Variants in BACH2 observed in about 807,000 individuals in gnomAD.
The protein encoded by BACH2 is transcription regulator protein BACH2.
Under a neutral mutation model 61.8 loss-of-function variants are expected in BACH2, and 5 were observed. The ratio of observed to expected loss-of-function variants is 0.08; its 90% confidence interval spans 0.04 to 0.17. The LOEUF (loss-of-function observed/expected upper bound fraction) is 0.17. Among genes scored for constraint, BACH2 ranks in the 10% least tolerant of loss-of-function variants. The pLI is 1.00. For missense variants in BACH2, 824 were observed against 1,091.1 expected (o/e 0.76, Z 3.45); for synonymous variants, 446 against 440.1 (o/e 1.01, Z -0.17).
At chr6:90,160,058 A>C (rs1257056336) in intron 4 of BACH2, among the ~76,000 whole-genome samples, 1 of 152,220 alleles carries the variant, frequency 6.6e-6, no homozygotes, top group Non-Finnish European at 1.5e-5. Context: ...ATTCAACATA[A>C]GCTTGCTTTC....
At chr6:89,947,778 A>G (rs1034820241) in intron 7 of BACH2, among the ~76,000 whole-genome samples, 37 of 151,762 alleles carry the variant, frequency 2.4e-4, no homozygotes, top group African/African-American at 5.8e-4. Context: ...TCACCGTGTT[A>G]GCCAGGATGG....
intron 4 of BACH2, among the ~76,000 whole-genome samples, chr6:90,123,555 G>A (rs980845617): frequency 1.3e-5 from 2 of 151,824 alleles, no homozygotes; most frequent in Admixed American, 1.3e-4. Context: ...CGGATCACGA[G>A]GTCAGGAGAT....
intron 6 of BACH2, among the ~76,000 whole-genome samples, chr6:89,955,426 GA>G (rs1020861633): frequency 6.6e-6 from 1 of 152,214 alleles, no homozygotes. Context: ...TTCAGGATAG[GA>G]GACTACTGAG....
chr6:90,256,555 CAT>C (rs1264170857), intron 2 of BACH2, among the ~76,000 whole-genome samples: 1 of 152,148 alleles, frequency 6.6e-6, no homozygotes, highest in Non-Finnish European at 1.5e-5. Flanking sequence ...TTTAAGACCT[CAT>C]GTGAATAAGG....
rs1257625776 is a variant in BACH2 at position 90,062,955 on chromosome 6, T to C, written c.-13+26006A>G. 9.1e-6 allele frequency: 9 copies of C among 983,902 alleles called. No individual in the cohort carries two copies. The Admixed American group carries it at 5.5e-4, about 60-fold the overall frequency. The allele number at this position is 983,902 out of a possible 1,614,324, so 60.9% of individuals were successfully genotyped here. A position where few individuals can be genotyped will look rare whatever the true frequency, so the allele number is the denominator to read the frequency against. ...GAAGTCTCTTCCACTTGCGTTTTTC[T>C]TCTTTTACCTGGCAATTTGAATAAA... On this transcript the variant is annotated intron_variant, in intron 5 of 8. Coordinates refer to ENST00000257749, the MANE Select transcript of BACH2 (RefSeq NM_021813.4).
intron 7 of BACH2, among the ~76,000 whole-genome samples, chr6:89,947,690 T>A (rs569781771): frequency 6.6e-6 from 1 of 151,874 alleles, no homozygotes; most frequent in Non-Finnish European, 1.5e-5. Context: ...CTCAGCCTCC[T>A]GAGTAGCTGG....
At chr6:90,198,324 CT>C (rs1768835438) in intron 4 of BACH2, among the ~76,000 whole-genome samples, 2 of 152,134 alleles carry the variant, frequency 1.3e-5, no homozygotes, top group South Asian at 4.1e-4. Context: ...CTTGACTGGT[CT>C]TTCAGCTGCC....
intron 6 of BACH2, among the ~76,000 whole-genome samples, chr6:90,006,374 T>A (rs1658270369): frequency 6.6e-6 from 1 of 152,212 alleles, no homozygotes; most frequent in South Asian, 2.1e-4. Flanking sequence ...AAAGGCCAGC[T>A]CAGGATCCCC....
rs2128357075 is a variant in BACH2, at chr6:89,951,642, T to C, written c.464A>G (p.Asp155Gly). Residue 155 changes from aspartate to glycine, a missense_variant, in exon 7 of 9, where the codon GAC (aspartate) becomes GGC (glycine). Transcript: ENST00000257749. This position sits in a 1 kb window ranked among gnomAD's most constrained non-coding sequence, Gnocchi z 6.4. ...KDAACQRPHEDCENSAGEEED... is the reference protein window; with the variant it reads ...KDAACQRPHEGCENSAGEEED... ...CTCCTCTCCTGCAGAGTTCTCGCAG[T>C]CCTCGTGTGGGCGCTGGCACGCAGC... 6.2e-7 allele frequency: 1 copy of C among 1,614,180 alleles called. No homozygotes were observed. Among genetic ancestry groups the C allele is most frequent in the Non-Finnish European group, 8.5e-7 (1 of 1,180,032 alleles).
chr6:90,107,098 G>C (rs1482229002), intron 4 of BACH2, among the ~76,000 whole-genome samples: 2 of 152,146 alleles, frequency 1.3e-5, no homozygotes, highest in Non-Finnish European at 2.9e-5. Context: ...TATAGGCCGG[G>C]TGTGGTGGCT....
At chr6:90,170,573 A>C (rs1767779065) in intron 4 of BACH2, among the ~76,000 whole-genome samples, 1 of 152,244 alleles carries the variant, frequency 6.6e-6, no homozygotes, top group Non-Finnish European at 1.5e-5. Flanking sequence ...AAAGAAAAAA[A>C]GACAAAATCT....
At chr6:90,134,427 T>C (rs1224464261) in intron 4 of BACH2, among the ~76,000 whole-genome samples, 2 of 152,210 alleles carry the variant, frequency 1.3e-5, no homozygotes, top group Non-Finnish European at 2.9e-5. Context: ...TGAAGAGTGA[T>C]GAAGGCTGAC....
At chr6:89,980,471 G>C (rs927583341) in intron 6 of BACH2, among the ~76,000 whole-genome samples, 4 of 152,172 alleles carry the variant, frequency 2.6e-5, no homozygotes, top group Non-Finnish European at 5.9e-5. Flanking sequence ...CTATTGTTAT[G>C]ATTATTGCCA....
At chr6:90,123,765 G>A (rs1238897691) in intron 4 of BACH2, among the ~76,000 whole-genome samples, 2 of 78,584 alleles carry the variant, frequency 2.5e-5, no homozygotes, top group Admixed American at 1.8e-4. Context: ...GCGAGACTCC[G>A]TCTCAAAAAA....
intron 5 of BACH2, among the ~76,000 whole-genome samples, chr6:90,023,308 G>A (rs879659753): frequency 2.0e-5 from 3 of 151,866 alleles, no homozygotes; most frequent in Non-Finnish European, 4.4e-5. Flanking sequence ...GTTTCTCGTG[G>A]TTTAACACCA....
rs1785199979 is a variant in BACH2, at chr6:90,161,775, GT to G, written c.-162+44793del. On this transcript the variant is annotated intron_variant, in intron 4 of 8. Coordinates refer to ENST00000257749, the MANE Select transcript of BACH2 (RefSeq NM_021813.4). ...TGCAACCTGTAACAGACAACGGCCA[GT>G]GGCCCACAATGCCAGTGCCAACCAC... is the stretch of plus-strand genomic sequence containing the variant. Among the ~76,000 whole-genome samples, 11 of 152,258 alleles carry G rather than the reference GT, an allele frequency of 7.2e-5. No individual in the cohort carries two copies. In the South Asian group the frequency reaches 2.3e-3, roughly 32 times the overall value.
At chr6:90,121,788 C>T (rs9444742) in intron 4 of BACH2, among the ~76,000 whole-genome samples, 6,868 of 152,208 alleles carry the variant, frequency 0.045, 174 homozygotes, top group East Asian at 0.082. Flanking sequence ...TCAGGTAATT[C>T]GCCCACCTCG....
intron 4 of BACH2, among the ~76,000 whole-genome samples, chr6:90,139,364 A>G (rs1048186218): frequency 6.6e-6 from 1 of 152,188 alleles, no homozygotes; most frequent in African/African-American, 2.4e-5. Context: ...CTAACACGTG[A>G]TCATAATTTA....
At chr6:90,179,324 A>C (rs2127840433) in intron 4 of BACH2, among the ~76,000 whole-genome samples, 1 of 152,366 alleles carries the variant, frequency 6.6e-6, no homozygotes, top group Admixed American at 6.5e-5. Context: ...AGACATTACA[A>C]ATATCAAAGA....
Sources: gnomAD v4.1 joint callset for allele counts (sites outside exome capture counted in the v4.1 genomes callset) on GRCh38, gnomAD v4.1.1 for gene constraint, Gnocchi (gnomAD v3.1) non-coding constraint, MANE v1.5 for transcripts, NCBI Gene and HGNC (gene_info 2026-07-23, HGNC 2026-07-21) for gene names.